ZFAND3: variants seen among roughly 807,000 people sequenced by gnomAD.
The protein encoded by ZFAND3 is AN1-type zinc finger protein 3.
Under a neutral mutation model 29.6 loss-of-function variants are expected in ZFAND3, and 10 were observed. The ratio of observed to expected loss-of-function variants is 0.34; its 90% CI spans 0.21 to 0.57. The LOEUF is 0.57. ZFAND3 is among the 20% of genes least tolerant of loss of function. The pLI, the probability that ZFAND3 is intolerant of heterozygous loss-of-function variation, is 0.86. For missense variants in ZFAND3, 230 were observed against 304.5 expected, an observed-to-expected ratio of 0.76 and a Z score of 1.82; for synonymous variants, 128 against 112.6, an observed-to-expected ratio of 1.14 and a Z score of -0.87.
intron 2 of ZFAND3, among the ~76,000 whole-genome samples, chr6:37,945,345 C>T (rs1487774228): frequency 1.3e-5 from 2 of 152,136 alleles, no homozygotes; most frequent in African/African-American, 4.8e-5. Flanking sequence ...AAAAATACCA[C>T]GTGGAGGCAG....
chr6:37,860,785 C>A (rs1764475953), intron 1 of ZFAND3, among the ~76,000 whole-genome samples: 1 of 150,772 alleles, frequency 6.6e-6, no homozygotes, highest in Non-Finnish European at 1.5e-5. Context: ...AATTTCTGTG[C>A]CTTTATTTGA....
chr6:37,856,088 G>C (rs1764377730), intron 1 of ZFAND3, among the ~76,000 whole-genome samples: 1 of 151,744 alleles, frequency 6.6e-6, no homozygotes, highest in African/African-American at 2.4e-5. Context: ...GCATGCAGTG[G>C]TGCTCAAGTG....
At chr6:38,142,165 C>G in intron 5 of ZFAND3, 1 of 470,856 alleles carries the variant, frequency 2.1e-6, no homozygotes, top group Non-Finnish European at 4.4e-6. Flanking sequence ...TCTCTCCCTA[C>G]CCCAGTTTCT....
intron 2 of ZFAND3, among the ~76,000 whole-genome samples, chr6:38,031,817 T>G (rs1339832108): frequency 6.6e-6 from 1 of 151,962 alleles, no homozygotes; most frequent in Non-Finnish European, 1.5e-5. Context: ...CAACTTACAG[T>G]TTCATATTCT....
chr6:38,008,878 A>G (rs899815943), intron 2 of ZFAND3, among the ~76,000 whole-genome samples: 2 of 152,172 alleles, frequency 1.3e-5, no homozygotes, highest in Admixed American at 6.5e-5. Flanking sequence ...AAAAATCACA[A>G]TGGGATTTCT....
At chr6:37,976,861 G>A (rs1043861722) in intron 2 of ZFAND3, among the ~76,000 whole-genome samples, 11 of 152,108 alleles carry the variant, frequency 7.2e-5, no homozygotes, top group Admixed American at 6.5e-5. Context: ...CTTCCACCAG[G>A]TCCCTTCCTG....
At chr6:38,090,625 A>T (rs554843457) in intron 4 of ZFAND3, among the ~76,000 whole-genome samples, 63 of 152,296 alleles carry the variant, frequency 4.1e-4, no homozygotes, top group Middle Eastern at 6.8e-3. Context: ...CTGTTTGCTG[A>T]CAGTGTGTGG....
chr6:38,108,638 T>C (rs1396339590), intron 4 of ZFAND3, among the ~76,000 whole-genome samples: 1 of 152,226 alleles, frequency 6.6e-6, no homozygotes, highest in Non-Finnish European at 1.5e-5. Context: ...TTATCCCACC[T>C]TCTTCCTCCT....
chr6:38,091,691 CTTTTT>C (rs34406765), intron 4 of ZFAND3, among the ~76,000 whole-genome samples: 2 of 129,862 alleles, frequency 1.5e-5, no homozygotes, highest in African/African-American at 2.9e-5. Context: ...ATTAAGGAGC[CTTTTT>C]TTTTTTTTTT....
At chr6:38,068,331 TTATAAG>T (rs1764385168) in intron 3 of ZFAND3, among the ~76,000 whole-genome samples, 1 of 152,232 alleles carries the variant, frequency 6.6e-6, no homozygotes, top group African/African-American at 2.4e-5. Context: ...AATTCAGTGT[TTATAAG>T]TAAAGTTTGA....
chr6:37,864,235 A>G (rs1024095897), intron 1 of ZFAND3, among the ~76,000 whole-genome samples: 1 of 152,184 alleles, frequency 6.6e-6, no homozygotes, highest in Non-Finnish European at 1.5e-5. Context: ...TGATCATTTA[A>G]GGGCAGGTTT....
At chr6:37,890,560 C>T (rs1765077013) in intron 1 of ZFAND3, among the ~76,000 whole-genome samples, 1 of 151,874 alleles carries the variant, frequency 6.6e-6, no homozygotes, top group African/African-American at 2.4e-5. Flanking sequence ...AGAGTTAATA[C>T]TCTAAACAAT....
chr6:37,970,905 AAAACAAACAAACC>A (rs774354433), intron 2 of ZFAND3, among the ~76,000 whole-genome samples: 7 of 149,744 alleles, frequency 4.7e-5, no homozygotes, highest in African/African-American at 7.4e-5. Flanking sequence ...ACTCCGTCTC[AAAACAAACAAACC>A]AAACAAACAA....
chr6:38,038,060 G>A (rs557193339), intron 2 of ZFAND3, among the ~76,000 whole-genome samples: 1 of 152,312 alleles, frequency 6.6e-6, no homozygotes, highest in African/African-American at 2.4e-5. Flanking sequence ...GCCACACTCA[G>A]CTCCTTCATG....
At chr6:37,970,194 G>T (rs935451778) in intron 2 of ZFAND3, among the ~76,000 whole-genome samples, 4 of 151,942 alleles carry the variant, frequency 2.6e-5, no homozygotes, top group Non-Finnish European at 5.9e-5. Context: ...AATTTAGAAG[G>T]CTTGTTAGGA....
At chr6:37,866,036 C>T (rs553023694) in intron 1 of ZFAND3, among the ~76,000 whole-genome samples, 29 of 152,140 alleles carry the variant, frequency 1.9e-4, no homozygotes, top group African/African-American at 6.0e-4. Flanking sequence ...TATATTGTCC[C>T]GGCTGGTCTC....
At chr6:37,871,154 A>G (rs563584467) in intron 1 of ZFAND3, among the ~76,000 whole-genome samples, 1 of 152,336 alleles carries the variant, frequency 6.6e-6, no homozygotes, top group East Asian at 1.9e-4. Context: ...TGTAATACAC[A>G]GTACTCTTCA....
At chr6:38,134,532 A>G (rs540301643) in intron 5 of ZFAND3, among the ~76,000 whole-genome samples, 1 of 152,246 alleles carries the variant, frequency 6.6e-6, no homozygotes, top group South Asian at 2.1e-4. Flanking sequence ...GGTGACCAAT[A>G]AATACTTTTG....
Position 38,153,261 on chromosome 6 carries a change from T to C in ZFAND3, c.*872T>C. 1 of 985,496 alleles carries C rather than the reference T, an allele frequency of 1.0e-6. No homozygotes were observed. Among genetic ancestry groups the C allele is most frequent in the Non-Finnish European group, 1.2e-6 (1 of 829,960 alleles). 61.0% of individuals were successfully genotyped at this position (985,496 alleles called of 1,614,324 possible). ...GGCCTCTGCAGCCAGATTTCTATAT[T>C]GGGAGTTTTTTAAAAAGACATTTCA... On this transcript the variant is annotated 3_prime_UTR_variant, in exon 6 of 6. Coordinates refer to ENST00000287218, the MANE Select transcript of ZFAND3 (RefSeq NM_021943.3).
Sources: allele counts gnomAD v4.1 joint callset (sites outside exome capture counted in the v4.1 genomes callset), GRCh38; gene constraint gnomAD v4.1.1; transcripts MANE v1.5; gene names NCBI Gene and HGNC (gene_info 2026-07-23, HGNC 2026-07-21).